SPIDR: variants seen among roughly 807,000 people sequenced by gnomAD.
The protein encoded by SPIDR is DNA repair-scaffolding protein.
Under a neutral mutation model 104.6 loss-of-function variants are expected in SPIDR, and 93 were observed. The observed-to-expected ratio is 0.89, with a 90% CI of 0.75 to 1.06. The LOEUF (loss-of-function observed/expected upper bound fraction) is 1.06. SPIDR is among the 50% of genes least tolerant of loss of function. The pLI is 0.00. For synonymous variants in SPIDR, 431 were observed against 416.9 expected (o/e 1.03, Z -0.41); for missense variants, 1,154 against 1,111.2 (o/e 1.04, Z -0.55).
At chr8:47,374,641 G>GA (rs1162692851) in intron 5 of SPIDR, among the ~76,000 whole-genome samples, 1 of 152,158 alleles carries the variant, frequency 6.6e-6, no homozygotes, top group African/African-American at 2.4e-5. Flanking sequence ...TTTAGTTTTA[G>GA]ATGTTTTCTT....
intron 10 of SPIDR, among the ~76,000 whole-genome samples, chr8:47,635,461 A>G (rs2067754153): frequency 1.3e-5 from 2 of 152,362 alleles, no homozygotes; most frequent in African/African-American, 2.4e-5. Context: ...GCCTGTATCA[A>G]AATATCTCTT....
rs371561230 is a variant in SPIDR at position 47,261,544 on chromosome 8, C to A, written c.33+553C>A. Among the ~76,000 whole-genome samples, 14 of 152,318 alleles carry A rather than the reference C, an allele frequency of 9.2e-5. No individual in the cohort carries two copies. In the South Asian group the frequency reaches 2.7e-3, roughly 29 times the overall value. On this transcript the variant is annotated intron_variant, in intron 1 of 19. Transcript: ENST00000297423. Reference sequence around the variant, plus strand: ...TTGCACCTGTATCCGCGAGTGCATCCTTTTTTGTTCTGCTAATTGTGCTTG... The same window carrying A: ...TTGCACCTGTATCCGCGAGTGCATCATTTTTTGTTCTGCTAATTGTGCTTG...
At chr8:47,358,706 T>C (rs1191337802) in intron 5 of SPIDR, among the ~76,000 whole-genome samples, 1 of 152,240 alleles carries the variant, frequency 6.6e-6, no homozygotes, top group Non-Finnish European at 1.5e-5. Context: ...TGTTTTGCAG[T>C]TCAATTGCAT....
chr8:47,542,688 C>G (rs963082348), intron 8 of SPIDR, among the ~76,000 whole-genome samples: 1 of 152,110 alleles, frequency 6.6e-6, no homozygotes, highest in Non-Finnish European at 1.5e-5. Context: ...CAGAAAGATC[C>G]TATGTATCCT....
chr8:47,352,618 T>C (rs1160556188), intron 5 of SPIDR, among the ~76,000 whole-genome samples: 1 of 152,166 alleles, frequency 6.6e-6, no homozygotes, highest in Non-Finnish European at 1.5e-5. Context: ...TGTGTAGGTT[T>C]TCCCCAGAGT....
At chr8:47,452,295 A>G (rs942839838) in intron 8 of SPIDR, among the ~76,000 whole-genome samples, 5 of 152,168 alleles carry the variant, frequency 3.3e-5, no homozygotes, top group Admixed American at 2.6e-4. Flanking sequence ...AAAAGAAACT[A>G]TGGGGGCCAG....
chr8:47,357,151 A>G (rs1554626313), intron 5 of SPIDR, among the ~76,000 whole-genome samples: 1 of 152,194 alleles, frequency 6.6e-6, no homozygotes, highest in Non-Finnish European at 1.5e-5. Flanking sequence ...GTAGGAAATT[A>G]GGGGAAAGAG....
At chr8:47,704,335 T>C (rs1399922038) in intron 14 of SPIDR, among the ~76,000 whole-genome samples, 1 of 152,256 alleles carries the variant, frequency 6.6e-6, no homozygotes, top group Non-Finnish European at 1.5e-5. Context: ...TCAGCAGCAA[T>C]AGTGTCACTG....
intron 5 of SPIDR, among the ~76,000 whole-genome samples, chr8:47,347,905 TG>T (rs2052506022): frequency 6.6e-6 from 1 of 152,188 alleles, no homozygotes; most frequent in Admixed American, 6.5e-5. Context: ...CTATCCAATT[TG>T]CTCGTCTGTG....
intron 8 of SPIDR, among the ~76,000 whole-genome samples, chr8:47,566,386 A>G (rs1262312443): frequency 6.6e-6 from 1 of 152,102 alleles, no homozygotes; most frequent in Non-Finnish European, 1.5e-5. Context: ...AGTCACAGGT[A>G]CAGATCTACT....
At chr8:47,715,964 C>CTTTTTTTTTT (rs965625857) in intron 16 of SPIDR, among the ~76,000 whole-genome samples, 4 of 127,094 alleles carry the variant, frequency 3.1e-5, no homozygotes, top group Admixed American at 7.9e-5. Context: ...TCTCTTTTTT[C>CTTTTTTTTTT]TTTTTTTTTT....
Position 47,713,543 on chromosome 8 carries a change from G to T in SPIDR, c.2243G>T (p.Ser748Ile). The change falls in exon 16 of 20, where the codon AGT (serine) becomes ATT (isoleucine). Residue 748 changes from serine (S) to isoleucine (I), a missense_variant. Physicochemically the swap from Ser to Ile is moderately radical, Grantham distance 142. Transcript: ENST00000297423. The stretch of plus-strand genomic sequence containing the variant: ...CTCTTGCTTCAGAAGCCCCTTTTGA[G>T]TGTGGTCTCTGGTGCAAGTTCCTGT... ...TVLLLQKPLL[S>I]VVSGASSCEL... 1.2e-6 allele frequency: 2 copies of T among 1,614,144 alleles called. No homozygotes were observed. Among genetic ancestry groups the T allele is most frequent in the Non-Finnish European group, 1.7e-6 (2 of 1,180,020 alleles).
chr8:47,447,084 G>A (rs1218124697), intron 8 of SPIDR, among the ~76,000 whole-genome samples: 2 of 152,112 alleles, frequency 1.3e-5, no homozygotes, highest in Non-Finnish European at 2.9e-5. Flanking sequence ...CTGCACATGC[G>A]GTGGAAAAAG....
In SPIDR at chr8:47,578,874, T is replaced by C. The variant is rs571152829; in HGVS notation, c.1098-16937T>C. ...CTTTTATAGTCAATATTTTTATCAG[T>C]TTCTTAGTTATATGTAACTGTCTGA... On this transcript the variant is annotated intron_variant, in intron 8 of 19. Coordinates refer to ENST00000297423, the MANE Select transcript of SPIDR (RefSeq NM_001080394.4). Among the ~76,000 whole-genome samples, 35 of 152,330 alleles carry C rather than the reference T, an allele frequency of 2.3e-4. No individual in the cohort carries two copies. In the East Asian group the frequency reaches 6.7e-3, roughly 29 times the overall value.
chr8:47,545,187 C>G (rs1441420357), intron 8 of SPIDR, among the ~76,000 whole-genome samples: 1 of 145,124 alleles, frequency 6.9e-6, no homozygotes, highest in African/African-American at 2.6e-5. Context: ...GTGGTGCGAT[C>G]TCAGCTCACT....
intron 8 of SPIDR, among the ~76,000 whole-genome samples, chr8:47,493,001 A>G (rs1224319821): frequency 4.1e-5 from 6 of 147,354 alleles, no homozygotes. Flanking sequence ...GGCTTTCTCT[A>G]GTGTTTGAGC....
intron 5 of SPIDR, among the ~76,000 whole-genome samples, chr8:47,319,570 G>C (rs1340835062): frequency 2.6e-5 from 4 of 152,126 alleles, no homozygotes; most frequent in Non-Finnish European, 4.4e-5. Context: ...TCCAGGTATT[G>C]TACTCAACTC....
chr8:47,283,866 T>C (rs1015160213), intron 2 of SPIDR, among the ~76,000 whole-genome samples, 162 bp from the exon 3 acceptor site: 3 of 152,194 alleles, frequency 2.0e-5, no homozygotes, highest in Non-Finnish European at 4.4e-5. Flanking sequence ...TTTATAAATA[T>C]ATAAGGAGTA....
chr8:47,488,594 A>G (rs2078109418), intron 8 of SPIDR, among the ~76,000 whole-genome samples: 1 of 152,238 alleles, frequency 6.6e-6, no homozygotes, highest in Non-Finnish European at 1.5e-5. Flanking sequence ...TTGATTCAAA[A>G]ATCCTCAGTA....
Sources: gnomAD v4.1 joint callset for allele counts (sites outside exome capture counted in the v4.1 genomes callset) on GRCh38, gnomAD v4.1.1 for gene constraint, MANE v1.5 for transcripts, NCBI Gene and HGNC (gene_info 2026-07-23, HGNC 2026-07-21) for gene names.